The following THADA variants were observed in gnomAD, a reference collection of about 807,000 sequenced individuals.
THADA encodes THADA armadillo repeat containing.
Under a neutral mutation model 219.8 loss-of-function variants are expected in THADA, and 213 were observed. That is an observed-to-expected ratio of 0.97 (90% CI 0.87 to 1.09). The LOEUF is 1.09. THADA is among the 50% of genes least tolerant of loss of function. THADA has a pLI of 0.00. For missense variants in THADA, 2,956 were observed against 2,311.3 expected (o/e 1.28, Z -5.72); for synonymous variants, 1,018 against 828.9 (o/e 1.23, Z -3.92).
At chr2:43,431,472 G>C (rs1679273610) in intron 26 of THADA, among the ~76,000 whole-genome samples, 1 of 151,854 alleles carries the variant, frequency 6.6e-6, no homozygotes, top group Non-Finnish European at 1.5e-5. Flanking sequence ...ATTTTTGTTT[G>C]TTTGTTTTTT....
At chr2:43,550,372 T>C (rs931489052) in intron 19 of THADA, among the ~76,000 whole-genome samples, 9 of 152,232 alleles carry the variant, frequency 5.9e-5, no homozygotes, top group Admixed American at 3.9e-4. Flanking sequence ...TCCTGGAATT[T>C]TGTCAAAAAT....
chr2:43,392,850 A>C (rs564574180), intron 29 of THADA, among the ~76,000 whole-genome samples: 2 of 152,146 alleles, frequency 1.3e-5, no homozygotes, highest in Admixed American at 6.5e-5. Flanking sequence ...GTTTGCATCA[A>C]AGGCAAACTC....
chr2:43,316,686 G>C lies in THADA; in HGVS notation c.4438+3760C>G, dbSNP rs1264917704. ...CTCACATCTGTAATCCCAGCACTTA[G>C]GGAGGCCGAGGCGGGTGGATCACCT... On this transcript the variant is annotated intron_variant, in intron 31 of 37. Coordinates refer to ENST00000405975, the MANE Select transcript of THADA (RefSeq NM_022065.5). 1.2e-4 allele frequency among the ~76,000 whole-genome samples: 18 copies of C among 152,192 alleles called. 1 individual carries two copies. The highest frequency in any genetic ancestry group is 1.2e-3 in the Admixed American group (18 of 15,276).
chr2:43,499,563 G>T (rs1266688924), intron 24 of THADA, among the ~76,000 whole-genome samples: 4 of 152,020 alleles, frequency 2.6e-5, no homozygotes, highest in Non-Finnish European at 5.9e-5. Flanking sequence ...AATTAGTAGA[G>T]ACAGGGTTTC....
intron 29 of THADA, among the ~76,000 whole-genome samples, chr2:43,346,400 T>G (rs945287684): frequency 3.0e-4 from 45 of 152,284 alleles, no homozygotes; most frequent in African/African-American, 1.0e-3. Flanking sequence ...AAGGTCAGAC[T>G]CAGGAGCTCC....
chr2:43,271,771 C>T (rs548029983), intron 36 of THADA, among the ~76,000 whole-genome samples: 13 of 151,962 alleles, frequency 8.6e-5, no homozygotes, highest in Admixed American at 2.6e-4. Flanking sequence ...TGCACCACCA[C>T]GCCCAGCTAA....
chr2:43,544,060 G>C (rs980236426), intron 20 of THADA, among the ~76,000 whole-genome samples: 8 of 152,144 alleles, frequency 5.3e-5, no homozygotes, highest in African/African-American at 1.4e-4. Flanking sequence ...AAGGTGTAAG[G>C]AAGGGATCCA....
intron 36 of THADA, among the ~76,000 whole-genome samples, chr2:43,273,990 C>T (rs1316787528): frequency 2.0e-5 from 3 of 152,142 alleles, no homozygotes; most frequent in Non-Finnish European, 4.4e-5. Context: ...TTGCCTACTG[C>T]TCCCTCCTCT....
At chr2:43,405,807 GT>G (rs1558709124) in intron 28 of THADA, among the ~76,000 whole-genome samples, 1 of 152,070 alleles carries the variant, frequency 6.6e-6, no homozygotes, top group Non-Finnish European at 1.5e-5. Context: ...GTTTACATAC[GT>G]TACCTATCGG....
chr2:43,495,653 A>C (rs992074134), intron 25 of THADA, among the ~76,000 whole-genome samples: 1 of 152,176 alleles, frequency 6.6e-6, no homozygotes, highest in African/African-American at 2.4e-5. Flanking sequence ...CATTTCTGAT[A>C]GTTTGAATTT....
At chr2:43,521,397 T>C (rs1016944244) in intron 22 of THADA, among the ~76,000 whole-genome samples, 2 of 151,972 alleles carry the variant, frequency 1.3e-5, no homozygotes, top group African/African-American at 4.8e-5. Context: ...TCTATAAAAA[T>C]ACAAAAAAAT....
At chr2:43,258,592 G>A (rs1345921134) in intron 36 of THADA, among the ~76,000 whole-genome samples, 1 of 151,814 alleles carries the variant, frequency 6.6e-6, no homozygotes, top group Non-Finnish European at 1.5e-5. Flanking sequence ...CATTTAACTG[G>A]GTGTCCTATA....
At chr2:43,329,644 G>T (rs2104492101) in intron 30 of THADA, among the ~76,000 whole-genome samples, 1 of 152,268 alleles carries the variant, frequency 6.6e-6, no homozygotes, top group Non-Finnish European at 1.5e-5. Flanking sequence ...TAGCTCAAGT[G>T]ACCTAGCCAA....
Position 43,524,230 on chromosome 2 carries a change from T to A in THADA, c.3374+3649A>T, listed in dbSNP as rs114988361. Among the ~76,000 whole-genome samples the A allele has an allele frequency of 3.4e-3, 519 of 152,356 alleles. 4 individuals are homozygous for A. The highest frequency in any genetic ancestry group is 0.012 in the African/African-American group (491 of 41,576). On this transcript the variant is annotated intron_variant, in intron 22 of 37. Transcript: ENST00000405975. ...CTCAACACACTATTTGTGTTATGTGTGTTGCAAGTGTTGCTTTCAAAACAT... is the reference window on the plus strand; with the variant it reads ...CTCAACACACTATTTGTGTTATGTGAGTTGCAAGTGTTGCTTTCAAAACAT...
intron 29 of THADA, among the ~76,000 whole-genome samples, chr2:43,392,533 CTTCT>C (rs1488019329): frequency 2.0e-5 from 3 of 152,064 alleles, no homozygotes; most frequent in African/African-American, 4.8e-5. Context: ...CCTACCTTTA[CTTCT>C]TTCTTTGTTT....
At chr2:43,541,665 C>T (rs932805631) in intron 20 of THADA, among the ~76,000 whole-genome samples, 13 of 152,106 alleles carry the variant, frequency 8.5e-5, no homozygotes, top group Non-Finnish European at 2.9e-5. Context: ...TGCGCCACCA[C>T]ACCCAGTTAA....
intron 8 of THADA, among the ~76,000 whole-genome samples, chr2:43,580,545 T>C (rs1489410579): frequency 6.6e-6 from 1 of 152,066 alleles, no homozygotes; most frequent in African/African-American, 2.4e-5. Context: ...AAATACTAAT[T>C]GGACAAAATA....
intron 28 of THADA, among the ~76,000 whole-genome samples, chr2:43,406,099 G>A (rs903163280): frequency 3.3e-5 from 5 of 152,170 alleles, no homozygotes; most frequent in African/African-American, 1.2e-4. Context: ...TCCATCATCT[G>A]GACATCCCTC....
At chr2:43,436,656 G>C (rs963218612) in intron 26 of THADA, among the ~76,000 whole-genome samples, 12 of 152,194 alleles carry the variant, frequency 7.9e-5, no homozygotes, top group Non-Finnish European at 1.5e-4. Context: ...AGGTTGGAAT[G>C]ACTGTACTTA....
Sources: allele counts gnomAD v4.1 joint callset (sites outside exome capture counted in the v4.1 genomes callset), GRCh38; gene constraint gnomAD v4.1.1; transcripts MANE v1.5; gene names NCBI Gene and HGNC (gene_info 2026-07-23, HGNC 2026-07-21).